TTLL11: variants seen among roughly 807,000 people sequenced by gnomAD.
TTLL11 encodes the protein tubulin polyglutamylase TTLL11.
Under a neutral mutation model 51.7 loss-of-function variants are expected in TTLL11, and 42 were observed. The observed-to-expected ratio is 0.81, with a 90% CI of 0.64 to 1.05. TTLL11 has a LOEUF of 1.05. Ranked by LOEUF, TTLL11 falls within the 50% of genes least tolerant of loss-of-function variation. The probability of loss-of-function intolerance (pLI) is 0.00; values close to 1 mark genes in which losing one functional copy is unlikely to be tolerated. For missense variants in TTLL11, 799 were observed against 940.4 expected, an observed-to-expected ratio of 0.85 and a Z score of 1.97; for synonymous variants, 381 against 383.5, an observed-to-expected ratio of 0.99 and a Z score of 0.08.
chr9:121,971,056 C>T (rs1268172528), intron 6 of TTLL11, among the ~76,000 whole-genome samples: 5 of 144,954 alleles, frequency 3.4e-5, no homozygotes, highest in East Asian at 4.2e-4. Flanking sequence ...CCGCCCCGTC[C>T]GGGAGGGAGG....
intron 6 of TTLL11, among the ~76,000 whole-genome samples, chr9:121,970,979 G>A (rs555594518): frequency 1.2e-3 from 190 of 152,166 alleles, no homozygotes; most frequent in Middle Eastern, 0.01. Flanking sequence ...ACTGGATAAA[G>A]AAAATGTGGC....
chr9:121,854,601 C>G (rs1249894745), intron 8 of TTLL11, among the ~76,000 whole-genome samples: 1 of 152,154 alleles, frequency 6.6e-6, no homozygotes, highest in African/African-American at 2.4e-5. Context: ...GTTACCTTTG[C>G]GAGTAAAATG....
At chr9:121,991,325 T>C (rs1009682443) in intron 3 of TTLL11, among the ~76,000 whole-genome samples, 1 of 152,232 alleles carries the variant, frequency 6.6e-6, no homozygotes, top group Admixed American at 6.5e-5. Context: ...AAAGCCTTAA[T>C]AATGGTCCAC....
chr9:121,946,945 C>T (rs982664488), intron 6 of TTLL11, among the ~76,000 whole-genome samples: 5 of 152,112 alleles, frequency 3.3e-5, no homozygotes, highest in African/African-American at 7.2e-5. Context: ...GCACTTGGGA[C>T]CCCTGACCTC....
At chr9:121,960,005 T>C (rs1842166574) in intron 6 of TTLL11, among the ~76,000 whole-genome samples, 1 of 151,998 alleles carries the variant, frequency 6.6e-6, no homozygotes, top group Non-Finnish European at 1.5e-5. Flanking sequence ...ACCACCTGGG[T>C]TAAGAAATAG....
chr9:121,831,739 A>T (rs1306078376), intron 8 of TTLL11, among the ~76,000 whole-genome samples: 1 of 151,224 alleles, frequency 6.6e-6, no homozygotes, highest in Non-Finnish European at 1.5e-5. Flanking sequence ...GAAACCTGGT[A>T]CTGGGCTGGC....
chr9:121,953,033 G>C (rs1841898146), intron 6 of TTLL11, among the ~76,000 whole-genome samples: 1 of 152,144 alleles, frequency 6.6e-6, no homozygotes, highest in African/African-American at 2.4e-5. Context: ...TACAGATAAA[G>C]CTCTTTCCTA....
chr9:121,973,961 G>C, intron 6 of TTLL11, 48 bp downstream of exon 6: 1 of 1,436,026 alleles, frequency 7.0e-7, no homozygotes, highest in South Asian at 1.2e-5. Context: ...ACGAAGCCGG[G>C]TTAGGAGGCA....
chr9:121,977,806 C>T (rs1210756749), intron 4 of TTLL11, among the ~76,000 whole-genome samples: 1 of 151,830 alleles, frequency 6.6e-6, no homozygotes, highest in Non-Finnish European at 1.5e-5. Flanking sequence ...TCCCAAGCAG[C>T]TGGGATTACA....
At chr9:121,899,389 A>G (rs1327390849) in intron 6 of TTLL11, among the ~76,000 whole-genome samples, 11 of 125,332 alleles carry the variant, frequency 8.8e-5, no homozygotes, top group Non-Finnish European at 1.4e-4. Context: ...ATATATATAT[A>G]TATATATATA....
intron 8 of TTLL11, among the ~76,000 whole-genome samples, chr9:121,834,294 A>C (rs1218578624): frequency 1.3e-5 from 2 of 152,198 alleles, no homozygotes; most frequent in Non-Finnish European, 2.9e-5. Context: ...GAAGGACTCT[A>C]CACATGGTAG....
chr9:122,076,966 T>TA (rs1393697408), intron 1 of TTLL11, among the ~76,000 whole-genome samples: 8 of 152,096 alleles, frequency 5.3e-5, no homozygotes, highest in Admixed American at 2.0e-4. Context: ...AAGAAAAAAT[T>TA]AGACTGACAA....
intron 6 of TTLL11, among the ~76,000 whole-genome samples, chr9:121,953,670 A>C (rs1588150846): frequency 6.6e-6 from 1 of 151,504 alleles, no homozygotes; most frequent in Non-Finnish European, 1.5e-5. Context: ...AGATTAACCA[A>C]AGCATTTCCC....
intron 8 of TTLL11, among the ~76,000 whole-genome samples, chr9:121,838,781 AAAGCAAGCAAGCAAGCAAGC>A (rs55715366): frequency 0.03 from 4,176 of 139,994 alleles, 110 homozygotes; most frequent in African/African-American, 0.073. Flanking sequence ...AGCAAGCAAG[AAAGCAAGCAAGCAAGCAAGC>A]AAGCAAGCAA....
At chr9:122,091,899 T>C (rs1051025821) in intron 1 of TTLL11, among the ~76,000 whole-genome samples, 1 of 152,226 alleles carries the variant, frequency 6.6e-6, no homozygotes, top group Non-Finnish European at 1.5e-5. Flanking sequence ...ATAACTCATG[T>C]ATTCATTCAC....
At chr9:122,010,635 C>A (rs1843768232) in intron 3 of TTLL11, among the ~76,000 whole-genome samples, 1 of 152,222 alleles carries the variant, frequency 6.6e-6, no homozygotes, top group Admixed American at 6.5e-5. Context: ...GCTACAAAAA[C>A]AAGCATTCAA....
intron 8 of TTLL11, among the ~76,000 whole-genome samples, chr9:121,854,843 G>T (rs992130413): frequency 2.0e-5 from 3 of 152,210 alleles, no homozygotes; most frequent in Non-Finnish European, 2.9e-5. Context: ...CGAGGGCTAC[G>T]ACATCCCAGT....
chr9:122,082,556 T>C (rs1437338359), intron 1 of TTLL11, among the ~76,000 whole-genome samples: 2 of 151,468 alleles, frequency 1.3e-5, no homozygotes, highest in Admixed American at 6.6e-5. Flanking sequence ...CCCCACTCTT[T>C]GTAATAGCAA....
intron 6 of TTLL11, among the ~76,000 whole-genome samples, chr9:121,939,510 C>A (rs1272108015): frequency 6.6e-6 from 1 of 151,862 alleles, no homozygotes; most frequent in Non-Finnish European, 1.5e-5. Flanking sequence ...AGTAAAAGAA[C>A]ATAGTGATTC....
Sources: gnomAD v4.1 joint callset for allele counts (sites outside exome capture counted in the v4.1 genomes callset) on GRCh38, gnomAD v4.1.1 for gene constraint, MANE v1.5 for transcripts, NCBI Gene and HGNC (gene_info 2026-07-23, HGNC 2026-07-21) for gene names.